The following BAHCC1 variants were observed in gnomAD, a reference collection of about 807,000 sequenced individuals.
The protein encoded by BAHCC1 is BAH domain and coiled-coil containing 1, also known as BAH and coiled-coil domain-containing protein 1.
BAHCC1 carries 43 observed loss-of-function variants against 88.2 expected under a neutral mutation model. That is an observed-to-expected ratio of 0.49 (90% CI 0.38 to 0.63). The LOEUF (loss-of-function observed/expected upper bound fraction) is 0.63. BAHCC1 is among the 20% of genes least tolerant of loss of function. BAHCC1 has a pLI of 0.00. For missense variants in BAHCC1, 3,023 were observed against 1,654.8 expected (o/e 1.83, Z -14.34); for synonymous variants, 1,510 against 745.5 (o/e 2.03, Z -16.71).
chr17:81,421,019 G>A (rs1475265912), intron 2 of BAHCC1, among the ~76,000 whole-genome samples: 4 of 152,368 alleles, frequency 2.6e-5, no homozygotes, highest in African/African-American at 7.2e-5. Context: ...GCCCCATGGC[G>A]GGCCCACGAC....
rs932662492 is a variant in BAHCC1 at position 81,426,997 on chromosome 17, G to C, written c.358+18G>C. The C allele has an allele frequency of 1.8e-5, 7 of 398,466 alleles. No homozygotes were observed. Among genetic ancestry groups the C allele is most frequent in the Non-Finnish European group, 3.1e-5 (7 of 226,070 alleles). 24.7% of individuals were successfully genotyped at this position (398,466 alleles called of 1,614,324 possible). On this transcript the variant is annotated intron_variant, in intron 3 of 27. Coordinates refer to ENST00000675386, the MANE Select transcript of BAHCC1 (RefSeq NM_001377448.1). ...CCACGAAGGTAAGTTGGCGGACTGG[G>C]CTCCCAGCGACACCCTGGTGGCCAA...
chr17:81,445,529 G>A lies in BAHCC1; in HGVS notation c.3011G>A (p.Ser1004Asn). Residue 1004 changes from serine (S) to asparagine (N), a missense_variant, in exon 10 of 28, where the codon AGC becomes AAC. By Grantham distance (46) the Ser-to-Asn change is conservative. Coordinates refer to ENST00000675386, the MANE Select transcript of BAHCC1 (RefSeq NM_001377448.1). ...CHPPDPKPPA[S>N]SPTPPPRPSA... ...CCGCCCGACCCAAAGCCCCCCGCCA[G>A]CTCCCCCACCCCACCACCTCGGCCC... The A allele has an allele frequency of 1.4e-6, 1 of 729,016 alleles. No individual in the cohort carries two copies. The highest frequency in any genetic ancestry group is 2.5e-6 in the Non-Finnish European group (1 of 393,382). 45.2% of individuals were successfully genotyped at this position (729,016 alleles called of 1,614,324 possible). A position where few individuals can be genotyped will look rare whatever the true frequency, so the allele number is the denominator to read the frequency against.
At chr17:81,400,849 G>A (rs1225278885) in intron 2 of BAHCC1, 1 of 154,494 alleles carries the variant, frequency 6.5e-6, no homozygotes, top group African/African-American at 2.4e-5. Flanking sequence ...GGAGGTCAGG[G>A]TAGGGGCAGC....
Position 81,445,532 on chromosome 17 carries a change from C to T in BAHCC1, c.3014C>T (p.Ser1005Phe), listed in dbSNP as rs868946243. Residue 1005 changes from serine to phenylalanine, a missense_variant, in exon 10 of 28, where the codon TCC (serine) becomes TTC (phenylalanine). Coordinates refer to ENST00000675386, the MANE Select transcript of BAHCC1 (RefSeq NM_001377448.1). ...HPPDPKPPAS[S>F]PTPPPRPSAP... ...CCCGACCCAAAGCCCCCCGCCAGCT[C>T]CCCCACCCCACCACCTCGGCCCAGC... 5 of 729,156 alleles carry T rather than the reference C, an allele frequency of 6.9e-6. No homozygotes were observed. The highest frequency in any genetic ancestry group is 3.5e-5 in the African/African-American group (2 of 57,902). The allele number at this position is 729,156 out of a possible 1,614,324, so 45.2% of individuals were successfully genotyped here. A position where few individuals can be genotyped will look rare whatever the true frequency, so the allele number is the denominator to read the frequency against.
intron 24 of BAHCC1, 43 bp downstream of exon 24, chr17:81,460,439 C>T (rs2030145315): frequency 1.4e-6 from 1 of 735,224 alleles, no homozygotes; most frequent in African/African-American, 1.7e-5. Context: ...GCCTGGGCTC[C>T]ACTGTGTCCA....
Position 81,447,593 on chromosome 17 carries a change from G to T in BAHCC1, c.3721G>T (p.Glu1241Ter). ...ELGQQSMEDSEEDCGGAPDNS... is the reference protein window; with the variant it reads ...ELGQQSMEDS ...GGGGCAGCAGAGCATGGAGGACTCA[G>T]AGGAGGACTGTGGCGGAGCTCCCGA... The change falls in exon 11 of 28, where the codon GAG becomes TAG. Residue 1241 changes from glutamate (E) to a stop codon, truncating the protein, a stop_gained. Coordinates refer to ENST00000675386, the MANE Select transcript of BAHCC1 (RefSeq NM_001377448.1). LOFTEE classifies it high-confidence loss of function. The T allele has an allele frequency of 1.3e-6, 1 of 752,822 alleles. No individual in the cohort carries two copies. The highest frequency in any genetic ancestry group is 1.4e-5 in the South Asian group (1 of 70,524). 46.6% of individuals were successfully genotyped at this position (752,822 alleles called of 1,614,324 possible).
At chr17:81,424,120 C>A (rs960734731) in intron 2 of BAHCC1, among the ~76,000 whole-genome samples, 1 of 152,228 alleles carries the variant, frequency 6.6e-6, no homozygotes, top group Non-Finnish European at 1.5e-5. Context: ...CCTCAGTCTT[C>A]CCCCTGGCTC....
intron 2 of BAHCC1, among the ~76,000 whole-genome samples, chr17:81,419,305 T>C (rs1555649279): frequency 6.6e-6 from 1 of 152,178 alleles, no homozygotes; most frequent in Non-Finnish European, 1.5e-5. Context: ...GGTCAGATGC[T>C]ACACCCCTGC....
Position 81,441,957 on chromosome 17 carries a change from G to A in BAHCC1, c.608G>A (p.Gly203Asp), listed in dbSNP as rs199920012. 105 of 749,284 alleles carry A rather than the reference G, an allele frequency of 1.4e-4. No homozygotes were observed. Among genetic ancestry groups the A allele is most frequent in the African/African-American group, 1.4e-3 (79 of 57,876 alleles). The allele number at this position is 749,284 out of a possible 1,614,324, so 46.4% of individuals were successfully genotyped here. A position where few individuals can be genotyped will look rare whatever the true frequency, so the allele number is the denominator to read the frequency against. Residue 203 changes from glycine to aspartate, a missense_variant, in exon 5 of 28, where the codon GGT (glycine) becomes GAT (aspartate). By Grantham distance (94) the Gly-to-Asp change is moderately conservative. Coordinates refer to ENST00000675386, the MANE Select transcript of BAHCC1 (RefSeq NM_001377448.1). ...TCCTGCAGCCGGGATCGAGACCGGG[G>A]TGAGGCAGGCTCCCTGCAGAAGGGC... Reference protein sequence around the residue: ...MGSCSRDRDRGEAGSLQKGPK... With the variant: ...MGSCSRDRDRDEAGSLQKGPK...
At chr17:81,421,530 C>T (rs531924565) in intron 2 of BAHCC1, among the ~76,000 whole-genome samples, 9 of 152,322 alleles carry the variant, frequency 5.9e-5, no homozygotes, top group South Asian at 2.1e-4. Flanking sequence ...CCCCCACACT[C>T]GCAGGGGTCA....
At chr17:81,414,934 C>G (rs1307228631) in intron 2 of BAHCC1, among the ~76,000 whole-genome samples, 3 of 152,208 alleles carry the variant, frequency 2.0e-5, no homozygotes, top group African/African-American at 4.8e-5. Flanking sequence ...CATCCCCACC[C>G]GACTGGCCAT....
rs781999664 is a variant in BAHCC1 at position 81,462,967 on chromosome 17, C to T, written c.7611C>T (p.Cys2537=). Residue 2537 remains cysteine (C), a synonymous_variant, in exon 27 of 28, where the codon TGC becomes TGT. Transcript: ENST00000675386. ...AGACCAAGCTGGGCAAGAGGCAGTG[C>T]GACGGCAAGGTGAGGCCCGGACAGG... The part of the protein sequence containing the change: ...PEETKLGKRQ[C]DGKNALYQSC... 6 of 780,384 alleles carry T rather than the reference C, an allele frequency of 7.7e-6. No individual in the cohort carries two copies. Among genetic ancestry groups the T allele is most frequent in the Admixed American group, 1.7e-5 (1 of 59,008 alleles). 48.3% of individuals were successfully genotyped at this position (780,384 alleles called of 1,614,324 possible).
intron 6 of BAHCC1, 125 bp downstream of exon 6, chr17:81,444,042 G>C (rs2064475507): frequency 1.6e-6 from 1 of 640,532 alleles, no homozygotes; most frequent in Non-Finnish European, 2.8e-6. Flanking sequence ...GCCGGCCGTG[G>C]GTGGGGTTCT....
chr17:81,399,808 C>A lies in BAHCC1; in HGVS notation c.69C>A (p.Ser23Arg). 1 of 1,309,940 alleles carries A rather than the reference C, an allele frequency of 7.6e-7. No individual in the cohort carries two copies. The allele number at this position is 1,309,940 out of a possible 1,614,324, so 81.1% of individuals were successfully genotyped here. A position where few individuals can be genotyped will look rare whatever the true frequency, so the allele number is the denominator to read the frequency against. The change falls in exon 2 of 28, where the codon AGC becomes AGA. Residue 23 changes from serine (S) to arginine (R), a missense_variant. Coordinates refer to ENST00000675386, the MANE Select transcript of BAHCC1 (RefSeq NM_001377448.1). The surrounding 1 kb of genome is among the most constrained non-coding windows in gnomAD (Gnocchi z 4.5). ...AGCGCGGGAGCCTGGGCCACCGCAG[C>A]GCCGCTGCCGCCGCGCGTCTCGCCC... is the stretch of plus-strand genomic sequence containing the variant. ...LSERGSLGHR[S>R]AAAAARLAPA... is the part of the protein sequence containing the mutation.
rs146493620 is a variant in BAHCC1, at chr17:81,409,363, C to T, written c.178+9446C>T. Among the ~76,000 whole-genome samples the T allele has an allele frequency of 7.2e-3, 1,090 of 152,302 alleles. 6 individuals are homozygous for T. The highest frequency in any genetic ancestry group is 0.027 in the Middle Eastern group (8 of 294). On this transcript the variant is annotated intron_variant, in intron 2 of 27. Transcript: ENST00000675386. ...ACAGAAGTGGGGGTGGGGCTCCTGTCCCCCGAAGGCTGGAGCTGCGCCGGC... is the reference window on the plus strand; with the variant it reads ...ACAGAAGTGGGGGTGGGGCTCCTGTTCCCCGAAGGCTGGAGCTGCGCCGGC...
chr17:81,457,444 C>T lies in BAHCC1; in HGVS notation c.4893C>T (p.Leu1631=), dbSNP rs782507230. ...ATGACAGTGAGGACTGCGAGGGTCT[C>T]CTGGGGACAGAGGCACCACCCAGGG... The part of the protein sequence containing the change: ...SGYDSEDCEG[L]LGTEAPPREA... Residue 1631 remains leucine, a synonymous_variant, in exon 17 of 28, where the codon CTC becomes CTT. Coordinates refer to ENST00000675386, the MANE Select transcript of BAHCC1 (RefSeq NM_001377448.1). The T allele has an allele frequency of 8.9e-5, 69 of 772,440 alleles. No homozygotes were observed. Among genetic ancestry groups the T allele is most frequent in the South Asian group, 3.0e-4 (22 of 73,144 alleles). 47.8% of individuals were successfully genotyped at this position (772,440 alleles called of 1,614,324 possible). A position where few individuals can be genotyped will look rare whatever the true frequency, so the allele number is the denominator to read the frequency against.
rs139741214 is a variant in BAHCC1 at position 81,464,030 on chromosome 17, C to A, written c.*213C>A. On this transcript the variant is annotated 3_prime_UTR_variant, in exon 28 of 28. Coordinates refer to ENST00000675386, the MANE Select transcript of BAHCC1 (RefSeq NM_001377448.1). ...GAATCCAGTCCCGTCCCATCCTCTG[C>A]GGAGGGTCGGGCTGTGGCCCTCATG... The A allele has an allele frequency of 1.0e-5, 6 of 588,934 alleles. No homozygotes were observed. The allele number at this position is 588,934 out of a possible 1,614,324, so 36.5% of individuals were successfully genotyped here. A position where few individuals can be genotyped will look rare whatever the true frequency, so the allele number is the denominator to read the frequency against.
At chr17:81,447,894 AC>A in intron 11 of BAHCC1, 46 bp downstream of exon 11, 1 of 710,032 alleles carries the variant, frequency 1.4e-6, no homozygotes, top group East Asian at 2.7e-5. Flanking sequence ...CAGCAGTGGG[AC>A]CCACACGCCT....
chr17:81,455,417 C>CCAGGGCCCTT (rs2064730147), intron 15 of BAHCC1, 27 bp downstream of exon 15: 1 of 713,154 alleles, frequency 1.4e-6, no homozygotes, highest in South Asian at 1.5e-5. Context: ...CCGCCTTGCC[C>CCAGGGCCCTT]CAGGGCCCTT....
Sources: allele counts gnomAD v4.1 joint callset (sites outside exome capture counted in the v4.1 genomes callset), GRCh38; gene constraint gnomAD v4.1.1; non-coding constraint Gnocchi (gnomAD v3.1); transcripts MANE v1.5; gene names NCBI Gene and HGNC (gene_info 2026-07-23, HGNC 2026-07-21).